Variants in HMHB1 observed in about 807,000 individuals in gnomAD.
The protein encoded by HMHB1 is histocompatibility minor HB-1, also known as minor histocompatibility protein HB-1.
Under a neutral mutation model 2.4 loss-of-function variants are expected in HMHB1, and 4 were observed. That is an observed-to-expected ratio of 1.65 (90% CI 0.81 to 3.77). The LOEUF (loss-of-function observed/expected upper bound fraction) is 3.77. HMHB1 is among the 30% of genes most tolerant of loss of function. The pLI, the probability that HMHB1 is intolerant of heterozygous loss-of-function variation, is 0.01. For missense variants in HMHB1, 57 were observed against 44.2 expected, an observed-to-expected ratio of 1.29 and a Z score of -0.82; for synonymous variants, 22 against 17.6, an observed-to-expected ratio of 1.25 and a Z score of -0.63.
chr5:143,817,545 T>C (rs1759763354), intron 1 of HMHB1, among the ~76,000 whole-genome samples: 1 of 152,214 alleles, frequency 6.6e-6, no homozygotes, highest in Admixed American at 6.5e-5. Flanking sequence ...TGGTTCTCTA[T>C]TCTGTTCCAT....
At chr5:143,816,540 C>CT (rs1360706990) in intron 1 of HMHB1, among the ~76,000 whole-genome samples, 1 of 152,080 alleles carries the variant, frequency 6.6e-6, no homozygotes, top group Non-Finnish European at 1.5e-5. Context: ...TAATTAATTC[C>CT]TTTTTATGGC....
At chr5:143,814,905 C>G (rs1213925084) in intron 1 of HMHB1, among the ~76,000 whole-genome samples, 1 of 152,206 alleles carries the variant, frequency 6.6e-6, no homozygotes, top group Non-Finnish European at 1.5e-5. Context: ...TATTGTGTGG[C>G]TTCTACCAGG....
chr5:143,812,613 A>G (rs1220732539), intron 1 of HMHB1, among the ~76,000 whole-genome samples: 2 of 152,192 alleles, frequency 1.3e-5, no homozygotes, highest in Non-Finnish European at 2.9e-5. Flanking sequence ...AGGGAAGTGC[A>G]GATGGGCAGG....
At chr5:143,813,972 T>G (rs1442937603) in intron 1 of HMHB1, among the ~76,000 whole-genome samples, 3 of 152,210 alleles carry the variant, frequency 2.0e-5, no homozygotes, top group Non-Finnish European at 4.4e-5. Flanking sequence ...CAAATTCATT[T>G]TATTTATGAT....
chr5:143,812,979 C>T (rs201318656), intron 1 of HMHB1, among the ~76,000 whole-genome samples: 1 of 142,742 alleles, frequency 7.0e-6, no homozygotes, highest in South Asian at 2.3e-4. Context: ...GTTTTTTTGT[C>T]TTGTTTTCTC....
intron 1 of HMHB1, among the ~76,000 whole-genome samples, chr5:143,817,568 C>T (rs2126793878): frequency 6.6e-6 from 1 of 152,250 alleles, no homozygotes; most frequent in South Asian, 2.1e-4. Flanking sequence ...GTCTATGTGC[C>T]TATTTTTATA....
intron 1 of HMHB1, among the ~76,000 whole-genome samples, chr5:143,817,319 T>G (rs964519255): frequency 6.6e-6 from 1 of 152,238 alleles, no homozygotes; most frequent in African/African-American, 2.4e-5. Context: ...TGTTCTCTTC[T>G]AGAATTTTTA....
chr5:143,820,212 C>T lies in HMHB1; in HGVS notation c.38-268C>T, dbSNP rs141387772. Among the ~76,000 whole-genome samples the T allele has an allele frequency of 1.5e-3, 229 of 149,392 alleles. 2 individuals carry two copies. The highest frequency in any genetic ancestry group is 5.1e-3 in the African/African-American group (206 of 40,716). On this transcript the variant is annotated intron_variant, in intron 1 of 1. Coordinates refer to ENST00000289448, the MANE Select transcript of HMHB1 (RefSeq NM_021182.3). ...CTTCTTAATTAAAACCACTGGTTTT[C>T]GTGGGAAATTCAATGAATAACATGC...
intron 1 of HMHB1, among the ~76,000 whole-genome samples, chr5:143,814,375 A>G (rs1323841356): frequency 6.6e-6 from 1 of 152,262 alleles, no homozygotes; most frequent in Non-Finnish European, 1.5e-5. Context: ...AGAAAAAAAT[A>G]TGGACCGCTC....
chr5:143,819,634 CAAAA>C (rs34190658), intron 1 of HMHB1, among the ~76,000 whole-genome samples: 6 of 82,634 alleles, frequency 7.3e-5, no homozygotes, highest in Non-Finnish European at 1.3e-4. Context: ...GACTCTGTCT[CAAAA>C]AAAAAAAAAA....
At chr5:143,820,344 A>AAAAAAAAAAAAAAAAAAAAAAAAAAAT (rs1759797686) in intron 1 of HMHB1, 136 bp from the exon 2 acceptor site, 1 of 303,908 alleles carries the variant, frequency 3.3e-6, no homozygotes, top group Admixed American at 5.2e-5. Context: ...AAAAAAAAAA[A>AAAAAAAAAAAAAAAAAAAAAAAAAAAT]AAAAAACAGA....
At chr5:143,814,967 C>A (rs988340508) in intron 1 of HMHB1, among the ~76,000 whole-genome samples, 1 of 152,166 alleles carries the variant, frequency 6.6e-6, no homozygotes, top group Admixed American at 6.5e-5. Context: ...CCCGTCAAAC[C>A]TTTCTGTTGC....
At chr5:143,820,415 C>A in intron 1 of HMHB1, 65 bp from the exon 2 acceptor site, 2 of 768,984 alleles carry the variant, frequency 2.6e-6, no homozygotes, top group South Asian at 1.5e-5. Context: ...TTTTATTAAT[C>A]TAAATAGAAA....
intron 1 of HMHB1, among the ~76,000 whole-genome samples, chr5:143,817,119 C>T (rs564075674): frequency 1.6e-4 from 25 of 152,174 alleles, no homozygotes; most frequent in African/African-American, 6.0e-4. Context: ...TCCTTTGTCA[C>T]ATGTATAGAT....
rs1474307526 is a variant in HMHB1 at position 143,820,647 on chromosome 5, G to A, written c.*79G>A. The A allele has an allele frequency of 2.3e-5, 21 of 895,778 alleles. No homozygotes were observed. The East Asian group carries it at 2.9e-4, about 12-fold the overall frequency. 55.5% of individuals were successfully genotyped at this position (895,778 alleles called of 1,614,324 possible). On this transcript the variant is annotated 3_prime_UTR_variant, in exon 2 of 2. Coordinates refer to ENST00000289448, the MANE Select transcript of HMHB1 (RefSeq NM_021182.3). ...GACAAATTGCTGAGCATGAAGAAGA[G>A]TAAAATTAAGCAAGTGGAACATATG...
intron 1 of HMHB1, among the ~76,000 whole-genome samples, chr5:143,818,051 A>G (rs960865234): frequency 6.6e-6 from 1 of 152,340 alleles, no homozygotes; most frequent in Non-Finnish European, 1.5e-5. Context: ...CTGGATTTTT[A>G]TCAGAAATTG....
chr5:143,816,318 T>C (rs1306365213), intron 1 of HMHB1, among the ~76,000 whole-genome samples: 4 of 152,182 alleles, frequency 2.6e-5, no homozygotes, highest in Admixed American at 2.6e-4. Flanking sequence ...GCTGTATACA[T>C]TGCATCCTAT....
At chr5:143,816,694 A>T (rs1047217632) in intron 1 of HMHB1, among the ~76,000 whole-genome samples, 4 of 152,164 alleles carry the variant, frequency 2.6e-5, no homozygotes, top group African/African-American at 9.7e-5. Context: ...TCGCATAATG[A>T]CTTCTTTTCC....
intron 1 of HMHB1, among the ~76,000 whole-genome samples, chr5:143,816,435 A>G (rs906713761): frequency 6.6e-6 from 1 of 152,106 alleles, no homozygotes; most frequent in Non-Finnish European, 1.5e-5. Context: ...GCTCTCACTT[A>G]TGAGTGAGAA....
Sources: allele counts gnomAD v4.1 joint callset (sites outside exome capture counted in the v4.1 genomes callset), GRCh38; gene constraint gnomAD v4.1.1; transcripts MANE v1.5; gene names NCBI Gene and HGNC (gene_info 2026-07-23, HGNC 2026-07-21).